GSDMB: variants seen among roughly 807,000 people sequenced by gnomAD.
The protein encoded by GSDMB is gasdermin-B.
A neutral mutation model predicts 42.9 loss-of-function variants in GSDMB; 32 were observed. The observed-to-expected ratio is 0.75, with a 90% CI of 0.56 to 1.00. The LOEUF (loss-of-function observed/expected upper bound fraction) is 1.00, where lower values mean the gene tolerates loss of function less well. Ranked by LOEUF, GSDMB falls within the 50% of genes least tolerant of loss-of-function variation. GSDMB has a pLI of 0.00. For missense variants in GSDMB, 468 were observed against 498.5 expected, an observed-to-expected ratio of 0.94 and a Z score of 0.58; for synonymous variants, 175 against 193.7, an observed-to-expected ratio of 0.90 and a Z score of 0.80.
chr17:39,910,410 C>G (rs977542051), intron 3 of GSDMB, among the ~76,000 whole-genome samples: 4 of 152,222 alleles, frequency 2.6e-5, no homozygotes, highest in Non-Finnish European at 5.9e-5. Context: ...CCACGCTTTT[C>G]CACTTAACCT....
At chr17:39,908,829 G>A (rs1165484988) in intron 5 of GSDMB, 129 bp downstream of exon 5, 3 of 703,586 alleles carry the variant, frequency 4.3e-6, no homozygotes, top group Non-Finnish European at 7.6e-6. Context: ...CCTTTTCCCT[G>A]GACCCCTCCC....
chr17:39,916,439 C>T (rs995788120), intron 2 of GSDMB, among the ~76,000 whole-genome samples: 24 of 151,698 alleles, frequency 1.6e-4, no homozygotes, highest in Non-Finnish European at 3.5e-4. Flanking sequence ...CATGCCACCA[C>T]GCCTGGCTAA....
intron 2 of GSDMB, among the ~76,000 whole-genome samples, chr17:39,915,829 C>T (rs569495215): frequency 3.3e-4 from 51 of 152,296 alleles, no homozygotes; most frequent in Non-Finnish European, 5.3e-4. Flanking sequence ...TACTCTAAAG[C>T]TGCTCAGGGC....
At chr17:39,916,358 C>T (rs977666793) in intron 2 of GSDMB, among the ~76,000 whole-genome samples, 19 of 146,438 alleles carry the variant, frequency 1.3e-4, no homozygotes, top group Admixed American at 2.1e-4. Context: ...TCTCAGCTCA[C>T]GGCAACCTGC....
At chr17:39,917,588 C>A (rs1035064486) in intron 1 of GSDMB, 7 of 405,326 alleles carry the variant, frequency 1.7e-5, no homozygotes, top group Middle Eastern at 7.4e-4. Flanking sequence ...AGTCTCCCCG[C>A]CGCCGCCCTT....
chr17:39,905,038 T>C (rs2063479480), intron 10 of GSDMB, 74 bp from the exon 11 acceptor site: 1 of 1,251,294 alleles, frequency 8.0e-7, no homozygotes, highest in Admixed American at 1.7e-5. Context: ...TTGGCCACAC[T>C]CCTTGCTGCT....
At chr17:39,908,932 C>T (rs1023928970) in intron 5 of GSDMB, 26 bp downstream of exon 5, 2 of 1,449,926 alleles carry the variant, frequency 1.4e-6, no homozygotes, top group Non-Finnish European at 9.7e-7. Flanking sequence ...GGCCCCCCAT[C>T]CTGTTCTCCA....
intron 3 of GSDMB, among the ~76,000 whole-genome samples, chr17:39,911,608 T>A (rs971757483): frequency 1.3e-5 from 2 of 151,950 alleles, no homozygotes; most frequent in Non-Finnish European, 2.9e-5. Flanking sequence ...CTCCAAGGGG[T>A]TCTTTGCTTT....
At chr17:39,911,159 C>T (rs191373891) in intron 3 of GSDMB, among the ~76,000 whole-genome samples, 297 of 151,960 alleles carry the variant, frequency 2.0e-3, no homozygotes, top group Non-Finnish European at 3.1e-3. Context: ...CCTGTCTCTA[C>T]CAAAAATACA....
chr17:39,906,940 A>G (rs1305313808), intron 7 of GSDMB, 21 bp downstream of exon 7: 37 of 1,613,778 alleles, frequency 2.3e-5, no homozygotes, highest in Non-Finnish European at 2.8e-5. Flanking sequence ...CACCCTGAAC[A>G]CACTTGGCTA....
At chr17:39,916,943 T>C (rs1372951637) in intron 2 of GSDMB, 139 bp downstream of exon 2, 5 of 611,372 alleles carry the variant, frequency 8.2e-6, no homozygotes, top group African/African-American at 1.8e-5. Context: ...GTGCATTTCT[T>C]AAATTAAGGT....
At chr17:39,905,518 T>TA in intron 9 of GSDMB, 22 bp from the exon 10 acceptor site, 1 of 1,587,048 alleles carries the variant, frequency 6.3e-7, no homozygotes. Flanking sequence ...GAAAGAGTGG[T>TA]AAAAAGGAGA....
At position 39,909,822 on chromosome 17, in the gene GSDMB, C is replaced by G; in HGVS notation, c.510G>C (p.Leu170=). 6.2e-7 allele frequency: 1 copy of G among 1,614,012 alleles called. No homozygotes were observed. Among genetic ancestry groups the G allele is most frequent in the Non-Finnish European group, 8.5e-7 (1 of 1,179,862 alleles). ...AAAATTTATATTGCCGGTCGCTTTT[C>G]AGGGTTTCCTCCTTTACCGTCTCCA... ...ETLETVKEET[L]KSDRQYKFWS... Residue 170 remains leucine (L), a synonymous_variant, in exon 4 of 11, where the codon CTG becomes CTC. Transcript: ENST00000418519.
At chr17:39,913,065 C>T (rs1245072367) in intron 2 of GSDMB, among the ~76,000 whole-genome samples, 1 of 151,996 alleles carries the variant, frequency 6.6e-6, no homozygotes, top group Non-Finnish European at 1.5e-5. Flanking sequence ...TGAGATCACA[C>T]CACTGCACTC....
Position 39,904,720 on chromosome 17 carries a change from C to T in GSDMB, c.*92G>A. ...GTTGGCTGCTTGTTTTAAAGAGGTC[C>T]CACTGGTGACAGGATGGTAGTGGCG... is the stretch of plus-strand genomic sequence containing the variant. On this transcript the variant is annotated 3_prime_UTR_variant, in exon 11 of 11. Coordinates refer to ENST00000418519, the MANE Select transcript of GSDMB (RefSeq NM_001165958.2). The T allele has an allele frequency of 9.7e-7, 1 of 1,030,224 alleles. No homozygotes were observed. Among genetic ancestry groups the T allele is most frequent in the Admixed American group, 2.1e-5 (1 of 46,702 alleles). 63.8% of individuals were successfully genotyped at this position (1,030,224 alleles called of 1,614,324 possible).
chr17:39,908,109 C>G, intron 6 of GSDMB, 67 bp downstream of exon 6: 1 of 926,210 alleles, frequency 1.1e-6, no homozygotes, highest in Non-Finnish European at 1.7e-6. Context: ...CTCTGTAATT[C>G]CATTTTTAAA....
intron 1 of GSDMB, 127 bp downstream of exon 1, chr17:39,918,405 TCA>T (rs2063753753): frequency 6.6e-6 from 1 of 152,456 alleles, no homozygotes; most frequent in Non-Finnish European, 1.5e-5. Context: ...ACTTATCCAC[TCA>T]CTGCTTCCTC....
chr17:39,905,723 T>A, intron 9 of GSDMB, 124 bp downstream of exon 9: 2 of 1,144,590 alleles, frequency 1.7e-6, no homozygotes, highest in Non-Finnish European at 2.5e-6. Context: ...GAGGAAGACA[T>A]GAAGGAGTGC....
chr17:39,910,432 T>G (rs887250549), intron 3 of GSDMB, among the ~76,000 whole-genome samples: 4 of 152,162 alleles, frequency 2.6e-5, no homozygotes, highest in African/African-American at 9.7e-5. Context: ...CACAATCCTA[T>G]GATGGTAGGC....
Sources: allele counts gnomAD v4.1 joint callset (sites outside exome capture counted in the v4.1 genomes callset), GRCh38; gene constraint gnomAD v4.1.1; transcripts MANE v1.5; gene names NCBI Gene and HGNC (gene_info 2026-07-23, HGNC 2026-07-21).